GNG2: variants seen among roughly 807,000 people sequenced by gnomAD.
The protein encoded by GNG2 is guanine nucleotide-binding protein G(I)/G(S)/G(O) subunit gamma-2.
Under a neutral mutation model 5.5 loss-of-function variants are expected in GNG2, and 5 were observed. That is an observed-to-expected ratio of 0.91 (90% CI 0.48 to 1.92). The LOEUF is 1.92. Ranked by LOEUF, GNG2 falls within the 30% of genes most tolerant of loss-of-function variation. GNG2 has a pLI of 0.01. For missense variants in GNG2, 55 were observed against 88.4 expected, an observed-to-expected ratio of 0.62 and a Z score of 1.52; for synonymous variants, 28 against 32.0, an observed-to-expected ratio of 0.88 and a Z score of 0.42.
At chr14:51,932,919 A>G (rs1348527679) in intron 2 of GNG2, among the ~76,000 whole-genome samples, 2 of 152,218 alleles carry the variant, frequency 1.3e-5, no homozygotes, top group African/African-American at 2.4e-5. Context: ...GCCTAAATCC[A>G]GTCCTAAGTA....
At chr14:51,832,799 T>G (rs1399241679) in intron 2 of GNG2, among the ~76,000 whole-genome samples, 1 of 152,194 alleles carries the variant, frequency 6.6e-6, no homozygotes, top group African/African-American at 2.4e-5. Context: ...CTCTGAAAGA[T>G]TCCATCTCCA....
chr14:51,868,887 T>C (rs1883112430), intron 1 of GNG2, among the ~76,000 whole-genome samples: 1 of 152,234 alleles, frequency 6.6e-6, no homozygotes, highest in Admixed American at 6.5e-5. Flanking sequence ...TCTGTTTGAT[T>C]ACATTTTTTT....
At chr14:51,958,800 C>T (rs1889430323) in intron 3 of GNG2, among the ~76,000 whole-genome samples, 1 of 152,292 alleles carries the variant, frequency 6.6e-6, no homozygotes, top group Admixed American at 6.5e-5. Context: ...AAAATCCTAA[C>T]TTGCTTGGTC....
chr14:51,862,171 A>G (rs1185724915), intron 1 of GNG2, among the ~76,000 whole-genome samples: 1 of 152,128 alleles, frequency 6.6e-6, no homozygotes, highest in Non-Finnish European at 1.5e-5. Context: ...ACATTTTGAG[A>G]GATGGGAAGC....
intron 2 of GNG2, among the ~76,000 whole-genome samples, chr14:51,930,318 A>G (rs975963144): frequency 6.6e-6 from 1 of 152,216 alleles, no homozygotes; most frequent in Admixed American, 6.5e-5. Flanking sequence ...TGACTAATCC[A>G]TACTCACTAT....
chr14:51,847,468 T>C (rs1176117997), intron 2 of GNG2: 1 of 152,164 alleles, frequency 6.6e-6, no homozygotes, highest in Non-Finnish European at 1.5e-5. Flanking sequence ...ACTACGGAAG[T>C]GGGCTGAAGG....
chr14:51,895,885 C>T (rs898125045), intron 2 of GNG2, among the ~76,000 whole-genome samples: 3 of 152,232 alleles, frequency 2.0e-5, no homozygotes, highest in Non-Finnish European at 4.4e-5. Context: ...TTGTCCTGCA[C>T]ATGCTCTCTT....
At chr14:51,949,820 G>A (rs1480354030) in intron 2 of GNG2, among the ~76,000 whole-genome samples, 2 of 152,200 alleles carry the variant, frequency 1.3e-5, no homozygotes, top group African/African-American at 2.4e-5. Context: ...AATAAAGTGA[G>A]ATGGTATGTC....
At chr14:51,926,022 TTTTCTTTC>T (rs560253735) in intron 2 of GNG2, among the ~76,000 whole-genome samples, 1 of 152,056 alleles carries the variant, frequency 6.6e-6, no homozygotes, top group Admixed American at 6.6e-5. Flanking sequence ...ATTTGTTTTC[TTTTCTTTC>T]TTTCTTTTTT....
intron 2 of GNG2, among the ~76,000 whole-genome samples, chr14:51,942,769 A>G (rs536065863): frequency 7.3e-4 from 111 of 151,662 alleles, no homozygotes; most frequent in Non-Finnish European, 1.3e-3. Flanking sequence ...AGAATTCTTA[A>G]AGAATCAACC....
intron 2 of GNG2, among the ~76,000 whole-genome samples, chr14:51,943,409 G>GA (rs1203852724): frequency 6.6e-6 from 1 of 152,152 alleles, no homozygotes; most frequent in Non-Finnish European, 1.5e-5. Flanking sequence ...TGGGTTACAT[G>GA]TAAAATGAAA....
chr14:51,921,665 T>G (rs1034858133), intron 2 of GNG2, among the ~76,000 whole-genome samples: 1 of 152,190 alleles, frequency 6.6e-6, no homozygotes, highest in Non-Finnish European at 1.5e-5. Context: ...TTCATAATGC[T>G]TTCACACCTG....
chr14:51,920,175 T>C (rs1411839827), intron 2 of GNG2, among the ~76,000 whole-genome samples: 1 of 152,144 alleles, frequency 6.6e-6, no homozygotes, highest in African/African-American at 2.4e-5. Flanking sequence ...CTGAGGACCA[T>C]ATCTGGAACT....
At chr14:51,839,213 T>C (rs994881705) in intron 2 of GNG2, among the ~76,000 whole-genome samples, 4 of 152,222 alleles carry the variant, frequency 2.6e-5, no homozygotes, top group African/African-American at 9.6e-5. Flanking sequence ...AGCTTGGCTT[T>C]ATACATTTTA....
At chr14:51,947,078 A>G (rs1348486141) in intron 2 of GNG2, among the ~76,000 whole-genome samples, 1 of 152,202 alleles carries the variant, frequency 6.6e-6, no homozygotes, top group Non-Finnish European at 1.5e-5. Flanking sequence ...TTTTCTCTTA[A>G]GTCCATTGAG....
chr14:51,856,577 C>T (rs1317841442), upstream of GNG2, among the ~76,000 whole-genome samples: 9 of 152,176 alleles, frequency 5.9e-5, no homozygotes, highest in Admixed American at 2.0e-4. Flanking sequence ...GGACTACAGG[C>T]GTGCACCACT....
chr14:51,837,003 AC>A (rs1881350199), intron 2 of GNG2, among the ~76,000 whole-genome samples: 1 of 151,686 alleles, frequency 6.6e-6, no homozygotes, highest in Non-Finnish European at 1.5e-5. Context: ...GATTATAGGC[AC>A]CTGCCACCAC....
chr14:51,880,718 A>G (rs1282654247), intron 2 of GNG2, among the ~76,000 whole-genome samples: 2 of 152,172 alleles, frequency 1.3e-5, no homozygotes, highest in Non-Finnish European at 2.9e-5. Context: ...ACATAAGACT[A>G]TCGGTGCTAA....
At chr14:51,831,035 C>T (rs1449632281) in intron 2 of GNG2, among the ~76,000 whole-genome samples, 1 of 152,202 alleles carries the variant, frequency 6.6e-6, no homozygotes, top group African/African-American at 2.4e-5. Flanking sequence ...CCCACAAATG[C>T]ACCAGGCATG....
Sources: allele counts gnomAD v4.1 joint callset (sites outside exome capture counted in the v4.1 genomes callset), GRCh38; gene constraint gnomAD v4.1.1; transcripts MANE v1.5; gene names NCBI Gene and HGNC (gene_info 2026-07-23, HGNC 2026-07-21).